The following TMX3 variants were observed in gnomAD, a reference collection of about 807,000 sequenced individuals.
The protein encoded by TMX3 is thioredoxin related transmembrane protein 3.
Under a neutral mutation model 64.4 loss-of-function variants are expected in TMX3, and 40 were observed. That is an observed-to-expected ratio of 0.62 (90% CI 0.48 to 0.81). TMX3 has a LOEUF of 0.81. Ranked by LOEUF, TMX3 falls within the 30% of genes least tolerant of loss-of-function variation. TMX3 has a pLI of 0.00. For synonymous variants in TMX3, 189 were observed against 175.7 expected, an observed-to-expected ratio of 1.08 and a Z score of -0.60; for missense variants, 497 against 534.5, an observed-to-expected ratio of 0.93 and a Z score of 0.69.
intron 8 of TMX3, among the ~76,000 whole-genome samples, chr18:68,692,300 A>G (rs1914600213): frequency 6.6e-6 from 1 of 152,186 alleles, no homozygotes; most frequent in African/African-American, 2.4e-5. Flanking sequence ...ATCCCTGAAT[A>G]GTTCTTACTA....
intron 5 of TMX3, chr18:68,700,821 G>A (rs888797322): frequency 1.0e-6 from 1 of 984,700 alleles, no homozygotes; most frequent in Admixed American, 6.2e-5. Context: ...TACCTTCCCT[G>A]TCAAAAGGTA....
chr18:68,707,956 T>A (rs925238006), intron 4 of TMX3, among the ~76,000 whole-genome samples: 1 of 151,092 alleles, frequency 6.6e-6, no homozygotes, highest in African/African-American at 2.5e-5. Flanking sequence ...TATGTGTATA[T>A]ATGTGTATAT....
intron 2 of TMX3, among the ~76,000 whole-genome samples, chr18:68,712,414 T>G (rs2031376345): frequency 6.6e-6 from 1 of 152,218 alleles, no homozygotes; most frequent in Non-Finnish European, 1.5e-5. Context: ...CATGCATTCT[T>G]GCCCAATCTG....
chr18:68,701,055 T>TA, intron 5 of TMX3: 1 of 969,964 alleles, frequency 1.0e-6, no homozygotes, highest in Non-Finnish European at 1.2e-6. Context: ...CACAACAGAA[T>TA]ACCTACAATT....
In TMX3 at chr18:68,691,318, T is replaced by C. The variant is rs1211348270; in HGVS notation, c.614A>G (p.Asp205Gly). The C allele has an allele frequency of 1.9e-6, 3 of 1,585,656 alleles. No individual in the cohort carries two copies. Among genetic ancestry groups the C allele is most frequent in the Non-Finnish European group, 2.6e-6 (3 of 1,163,400 alleles). ...KEMPAVLVFK[D>G]ETYFVYDEYE... The stretch of plus-strand genomic sequence containing the variant: ...ACCATCATAAACAAAGTAAGTTTCA[T>C]CTTTGAAAACAAGCACAGCTGGCAT... Residue 205 changes from aspartate (D) to glycine (G), a missense_variant, in exon 9 of 16, where the codon GAT (aspartate) becomes GGT (glycine). Asp to Gly is a moderately conservative substitution (Grantham distance 94, BLOSUM62 -1). Transcript: ENST00000299608.
chr18:68,694,519 C>T (rs114029532), intron 8 of TMX3, among the ~76,000 whole-genome samples: 3,493 of 152,182 alleles, frequency 0.023, 135 homozygotes, highest in African/African-American at 0.076. Context: ...CTCCATGCCT[C>T]GCTCGTCCTT....
intron 4 of TMX3, among the ~76,000 whole-genome samples, chr18:68,708,049 ATATATGTGTATATATATGTG>A (rs1264222617): frequency 8.0e-5 from 12 of 150,682 alleles, no homozygotes; most frequent in Admixed American, 1.3e-4. Context: ...ATATGTGTAT[ATATATGTGTATATATATGTG>A]TATATGTGTA....
chr18:68,700,267 C>A, intron 6 of TMX3, 138 bp downstream of exon 6: 1 of 524,822 alleles, frequency 1.9e-6, no homozygotes, highest in Non-Finnish European at 3.2e-6. Context: ...ATAATCCTAT[C>A]TTCTCTCATA....
intron 9 of TMX3, 192 bp from the exon 10 acceptor site, chr18:68,687,957 A>G (rs1028778628): frequency 5.5e-6 from 2 of 364,746 alleles, no homozygotes; most frequent in African/African-American, 2.1e-5. Flanking sequence ...TCTTCATTAT[A>G]GCATCATTAA....
At chr18:68,704,339 G>T (rs1314189250) in intron 4 of TMX3, among the ~76,000 whole-genome samples, 1 of 152,148 alleles carries the variant, frequency 6.6e-6, no homozygotes, top group Non-Finnish European at 1.5e-5. Context: ...GGAAAAACTA[G>T]TGGCAATTCA....
intron 9 of TMX3, among the ~76,000 whole-genome samples, chr18:68,690,529 A>G (rs1029440991): frequency 1.3e-5 from 2 of 152,192 alleles, no homozygotes; most frequent in East Asian, 1.9e-4. Context: ...GGAAAACACG[A>G]AAGTAGGTAT....
At chr18:68,701,232 G>T (rs1023253237) in intron 5 of TMX3, among the ~76,000 whole-genome samples, 1 of 151,978 alleles carries the variant, frequency 6.6e-6, no homozygotes, top group Non-Finnish European at 1.5e-5. Flanking sequence ...TTAAACTTAC[G>T]TTATTATAAA....
At chr18:68,713,492 AC>A (rs1461529708) in intron 2 of TMX3, among the ~76,000 whole-genome samples, 3 of 152,186 alleles carry the variant, frequency 2.0e-5, no homozygotes, top group Non-Finnish European at 4.4e-5. Flanking sequence ...TCTGAAGTGA[AC>A]CTCCTCACTT....
At chr18:68,681,316 T>C (rs1160302484) in intron 13 of TMX3, 3 of 570,070 alleles carry the variant, frequency 5.3e-6, no homozygotes, top group African/African-American at 2.0e-5. Context: ...TTGATATTTC[T>C]AGGATACGCA....
At chr18:68,709,421 C>G (rs2031040148) in intron 4 of TMX3, among the ~76,000 whole-genome samples, 1 of 152,154 alleles carries the variant, frequency 6.6e-6, no homozygotes, top group Non-Finnish European at 1.5e-5. Context: ...CATGGAGGCA[C>G]AGAAACAGCC....
chr18:68,703,832 A>G (rs575728513), intron 4 of TMX3, among the ~76,000 whole-genome samples: 3 of 152,254 alleles, frequency 2.0e-5, no homozygotes, highest in African/African-American at 7.2e-5. Flanking sequence ...CGGGAGGCTG[A>G]GGCAGGAGAA....
chr18:68,710,218 T>C (rs1220949315), intron 3 of TMX3, 74 bp from the exon 4 acceptor site: 6 of 1,286,232 alleles, frequency 4.7e-6, no homozygotes, highest in Middle Eastern at 3.9e-4. Flanking sequence ...AATATGAATC[T>C]TAATATTTAA....
intron 6 of TMX3, 41 bp from the exon 7 acceptor site, chr18:68,698,072 C>A: frequency 7.5e-7 from 1 of 1,333,962 alleles, no homozygotes; most frequent in South Asian, 1.2e-5. Flanking sequence ...GAATTATAAA[C>A]TAAAGTACAT....
rs190766980 is a variant in TMX3 at position 68,707,005 on chromosome 18, T to C, written c.265+3016A>G. On this transcript the variant is annotated intron_variant, in intron 4 of 15. Transcript: ENST00000299608. The stretch of plus-strand genomic sequence containing the variant: ...AAAATAACATTAGACAATTGACTTA[T>C]GTTCACAAGTTACTGTTTGTCTCTT... Among the ~76,000 whole-genome samples the C allele has an allele frequency of 1.6e-4, 25 of 152,356 alleles. No individual in the cohort carries two copies. In the East Asian group the frequency reaches 4.4e-3, roughly 27 times the overall value.
Sources: gnomAD v4.1 joint callset for allele counts (sites outside exome capture counted in the v4.1 genomes callset) on GRCh38, gnomAD v4.1.1 for gene constraint, MANE v1.5 for transcripts, NCBI Gene and HGNC (gene_info 2026-07-23, HGNC 2026-07-21) for gene names.